The following IMMP2L variants were observed in gnomAD, a reference collection of about 807,000 sequenced individuals.
IMMP2L encodes the protein mitochondrial inner membrane protease subunit 2.
IMMP2L carries 18 observed loss-of-function variants against 19.3 expected under a neutral mutation model. The observed-to-expected ratio is 0.93, with a 90% CI of 0.64 to 1.38. IMMP2L has a LOEUF of 1.38. Ranked by LOEUF, IMMP2L falls within the 40% of genes most tolerant of loss-of-function variation. The pLI is 0.00. For synonymous variants in IMMP2L, 76 were observed against 73.0 expected, an observed-to-expected ratio of 1.04 and a Z score of -0.21; for missense variants, 233 against 218.2, an observed-to-expected ratio of 1.07 and a Z score of -0.43.
intron 5 of IMMP2L, among the ~76,000 whole-genome samples, chr7:110,730,157 T>C (rs1440875176): frequency 6.6e-6 from 1 of 152,142 alleles, no homozygotes; most frequent in Non-Finnish European, 1.5e-5. Flanking sequence ...ATGCAAATTA[T>C]TGTTCCTGGG....
intron 3 of IMMP2L, among the ~76,000 whole-genome samples, chr7:110,993,661 G>A (rs995203548): frequency 6.6e-5 from 10 of 151,120 alleles, no homozygotes; most frequent in African/African-American, 1.7e-4. Flanking sequence ...TGTGCCCTCC[G>A]ACAGTCTGAC....
chr7:110,815,820 T>C (rs929094136), intron 5 of IMMP2L, among the ~76,000 whole-genome samples: 5 of 152,160 alleles, frequency 3.3e-5, no homozygotes, highest in African/African-American at 1.2e-4. Flanking sequence ...ATATCCCCTT[T>C]ATCATTTTTT....
At chr7:111,209,792 A>C (rs1483017298) in intron 3 of IMMP2L, among the ~76,000 whole-genome samples, 1 of 152,148 alleles carries the variant, frequency 6.6e-6, no homozygotes, top group Non-Finnish European at 1.5e-5. Context: ...TCATCAAGAA[A>C]CTGCCCAGAA....
chr7:110,670,437 C>A (rs536850310), intron 5 of IMMP2L, among the ~76,000 whole-genome samples: 2 of 152,282 alleles, frequency 1.3e-5, no homozygotes, highest in South Asian at 4.1e-4. Context: ...AGCCTGTAAT[C>A]CCAGCACTTT....
At chr7:110,810,927 A>C (rs1403218910) in intron 5 of IMMP2L, among the ~76,000 whole-genome samples, 1 of 152,066 alleles carries the variant, frequency 6.6e-6, no homozygotes, top group African/African-American at 2.4e-5. Flanking sequence ...ATGTGCTGAG[A>C]TGCGTAAAGC....
chr7:111,170,093 G>A (rs888247198), intron 3 of IMMP2L, among the ~76,000 whole-genome samples: 3 of 151,806 alleles, frequency 2.0e-5, no homozygotes, highest in Non-Finnish European at 4.4e-5. Context: ...TCAAGTAACA[G>A]TTGAAACTGC....
intron 3 of IMMP2L, among the ~76,000 whole-genome samples, chr7:111,447,632 G>A (rs989158357): frequency 6.6e-6 from 1 of 151,364 alleles, no homozygotes; most frequent in Non-Finnish European, 1.5e-5. Context: ...ATCGAGACTA[G>A]GAAGAAACTG....
intron 3 of IMMP2L, among the ~76,000 whole-genome samples, chr7:111,343,593 A>G (rs909574428): frequency 1.3e-5 from 2 of 152,114 alleles, no homozygotes; most frequent in African/African-American, 4.8e-5. Flanking sequence ...TCAGCAAGAG[A>G]GGGACCATTT....
chr7:111,393,023 C>T (rs1016462398), intron 3 of IMMP2L: 1 of 341,254 alleles, frequency 2.9e-6, no homozygotes, highest in Admixed American at 3.7e-5. Flanking sequence ...TTCATTAAAT[C>T]ACTGGCCATC....
chr7:111,167,045 A>G (rs1057139068), intron 3 of IMMP2L, among the ~76,000 whole-genome samples: 2 of 151,964 alleles, frequency 1.3e-5, no homozygotes, highest in African/African-American at 4.8e-5. Context: ...CCACTACACC[A>G]CAGAAAAACC....
Position 111,486,507 on chromosome 7 carries a change from T to C in IMMP2L, c.239+731A>G, listed in dbSNP as rs146086986. ...CCCTAACTGGCATAACAGGGAATCA[T>C]ACTACAACATTTTTATAAGTATTTG... On this transcript the variant is annotated intron_variant, in intron 3 of 5. Coordinates refer to ENST00000405709, the MANE Select transcript of IMMP2L (RefSeq NM_032549.4). Among the ~76,000 whole-genome samples, 364 of 152,292 alleles carry C rather than the reference T, an allele frequency of 2.4e-3. 3 individuals carry two copies. Among genetic ancestry groups the C allele is most frequent in the African/African-American group, 8.3e-3 (346 of 41,574 alleles).
intron 5 of IMMP2L, among the ~76,000 whole-genome samples, chr7:110,692,312 G>C (rs988056796): frequency 3.3e-5 from 5 of 152,118 alleles, no homozygotes; most frequent in Admixed American, 1.3e-4. Context: ...AAGGCATATA[G>C]AGTGGTATAA....
chr7:110,941,181 T>A (rs1461305283), intron 4 of IMMP2L, among the ~76,000 whole-genome samples: 2 of 152,212 alleles, frequency 1.3e-5, no homozygotes, highest in African/African-American at 4.8e-5. Context: ...CATATTTTTA[T>A]CCAGAAACCT....
intron 3 of IMMP2L, among the ~76,000 whole-genome samples, chr7:111,222,726 A>G (rs1441057264): frequency 6.6e-6 from 1 of 152,092 alleles, no homozygotes; most frequent in Non-Finnish European, 1.5e-5. Flanking sequence ...TAAGGAATGT[A>G]TAAGTGTATA....
At chr7:110,730,106 G>A (rs1015177299) in intron 5 of IMMP2L, among the ~76,000 whole-genome samples, 9 of 152,066 alleles carry the variant, frequency 5.9e-5, no homozygotes, top group African/African-American at 2.2e-4. Context: ...TAAGAGTATT[G>A]TGATGGCTAA....
chr7:110,801,830 G>C (rs958141477), intron 5 of IMMP2L, among the ~76,000 whole-genome samples: 3 of 152,080 alleles, frequency 2.0e-5, no homozygotes, highest in African/African-American at 7.2e-5. Context: ...CAGATATTGG[G>C]TTGGGTGACA....
At chr7:110,746,009 C>T (rs1285002608) in intron 5 of IMMP2L, among the ~76,000 whole-genome samples, 1 of 152,048 alleles carries the variant, frequency 6.6e-6, no homozygotes, top group African/African-American at 2.4e-5. Context: ...GGAGACCCAT[C>T]TCACATGCAA....
At chr7:111,363,144 T>C (rs1363984519) in intron 3 of IMMP2L, among the ~76,000 whole-genome samples, 1 of 152,058 alleles carries the variant, frequency 6.6e-6, no homozygotes. Flanking sequence ...AAAACAATCA[T>C]ATAAGGCACA....
chr7:111,498,776 A>G (rs1036526863), intron 2 of IMMP2L, among the ~76,000 whole-genome samples: 2 of 151,928 alleles, frequency 1.3e-5, no homozygotes, highest in African/African-American at 4.9e-5. Context: ...ATGCTGCATT[A>G]TAAGGAAAAA....
Sources: gnomAD v4.1 joint callset for allele counts (sites outside exome capture counted in the v4.1 genomes callset) on GRCh38, gnomAD v4.1.1 for gene constraint, MANE v1.5 for transcripts, NCBI Gene and HGNC (gene_info 2026-07-23, HGNC 2026-07-21) for gene names.